Variants in DNAJC17 observed in about 807,000 individuals in gnomAD.
The protein encoded by DNAJC17 is DnaJ heat shock protein family (Hsp40) member C17, also known as dnaJ homolog subfamily C member 17.
DNAJC17 carries 35 observed loss-of-function variants against 48.1 expected under a neutral mutation model. The observed-to-expected ratio is 0.73, with a 90% CI of 0.56 to 0.96. The LOEUF is 0.96. Ranked by LOEUF, DNAJC17 falls within the 50% of genes least tolerant of loss-of-function variation. The pLI, the probability that DNAJC17 is intolerant of heterozygous loss-of-function variation, is 0.00. For missense variants in DNAJC17, 355 were observed against 377.1 expected (o/e 0.94, Z 0.48); for synonymous variants, 117 against 142.7 (o/e 0.82, Z 1.28).
intron 1 of DNAJC17, among the ~76,000 whole-genome samples, chr15:40,803,196 C>T (rs1890118134): frequency 6.6e-6 from 1 of 151,992 alleles, no homozygotes; most frequent in Non-Finnish European, 1.5e-5. Context: ...TTCCTTCACC[C>T]AGTTCCTGGA....
At chr15:40,792,051 C>G (rs1889821326) in intron 1 of DNAJC17, among the ~76,000 whole-genome samples, 1 of 152,192 alleles carries the variant, frequency 6.6e-6, no homozygotes, top group Non-Finnish European at 1.5e-5. Context: ...ACACACATTT[C>G]TCAGATTCAT....
intron 8 of DNAJC17, chr15:40,774,825 G>C (rs1352356978): frequency 1.6e-6 from 1 of 623,174 alleles, no homozygotes; most frequent in African/African-American, 1.8e-5. Flanking sequence ...AAGGACAGCG[G>C]GCTGGAAGGG....
At chr15:40,807,084 C>T in intron 1 of DNAJC17, 3 of 670,952 alleles carry the variant, frequency 4.5e-6, no homozygotes. Context: ...GCAGAGGAGG[C>T]TAGCGTTCCT....
At position 40,766,281 on chromosome 15, in the gene DNAJC17, T is replaced by G. The variant is rs1207767434; in HGVS notation, c.*1659A>C. On this transcript the variant is annotated 3_prime_UTR_variant, in exon 11 of 11. Transcript: ENST00000220496. ...AAGGTTTTTGTCGTGAGGATCTGCA[T>G]GAGTCGCAAAGCTAAGCCCTAGAAG... The G allele has an allele frequency of 6.1e-6, 1 of 164,620 alleles. No individual in the cohort carries two copies. Among genetic ancestry groups the G allele is most frequent in the Non-Finnish European group, 1.3e-5 (1 of 77,178 alleles). The allele number at this position is 164,620 out of a possible 1,614,324, so 10.2% of individuals were successfully genotyped here.
At chr15:40,775,746 A>G in intron 6 of DNAJC17, 150 bp from the exon 7 acceptor site, 1 of 780,052 alleles carries the variant, frequency 1.3e-6, no homozygotes, top group East Asian at 2.5e-5. Context: ...CCTGGTGGGG[A>G]AAGCAGATGC....
Position 40,779,282 on chromosome 15 carries a change from T to C in DNAJC17, c.236A>G (p.Lys79Arg). 1.2e-6 allele frequency: 2 copies of C among 1,614,138 alleles called. No homozygotes were observed. Among genetic ancestry groups the C allele is most frequent in the Non-Finnish European group, 1.7e-6 (2 of 1,180,036 alleles). Reference sequence around the variant, plus strand: ...CTGGGTCCTCTCTGCTGCTTGCTTCTTGGCTTTCCTGACCTTGTCATATGC... The same window carrying C: ...CTGGGTCCTCTCTGCTGCTTGCTTCCTGGCTTTCCTGACCTTGTCATATGC... ...RAAYDKVRKAKKQAAERTQKL... is the reference protein window; with the variant it reads ...RAAYDKVRKARKQAAERTQKL... The change falls in exon 4 of 11, where the codon AAG (lysine) becomes AGG (arginine). Residue 79 changes from lysine (K) to arginine (R), a missense_variant. Coordinates refer to ENST00000220496, the MANE Select transcript of DNAJC17 (RefSeq NM_018163.3).
intron 7 of DNAJC17, 168 bp downstream of exon 7, chr15:40,775,385 A>G: frequency 1.2e-6 from 1 of 833,332 alleles, no homozygotes; most frequent in Non-Finnish European, 1.9e-6. Context: ...CTTTCGTGGC[A>G]AGCTCTGATC....
In DNAJC17 at chr15:40,767,840, T is replaced by A; in HGVS notation, c.*100A>T. 1 of 1,529,454 alleles carries A rather than the reference T, an allele frequency of 6.5e-7. No homozygotes were observed. 94.7% of individuals were successfully genotyped at this position (1,529,454 alleles called of 1,614,324 possible). A position where few individuals can be genotyped will look rare whatever the true frequency, so the allele number is the denominator to read the frequency against. ...GCGCTCTGCGGCAGAGCCCAGCACC[T>A]TATACCTATGTATGGGATAGAGGTA... On this transcript the variant is annotated 3_prime_UTR_variant, in exon 11 of 11. Coordinates refer to ENST00000220496, the MANE Select transcript of DNAJC17 (RefSeq NM_018163.3).
At chr15:40,802,606 A>G (rs1890103140) in intron 1 of DNAJC17, among the ~76,000 whole-genome samples, 1 of 152,148 alleles carries the variant, frequency 6.6e-6, no homozygotes, top group Non-Finnish European at 1.5e-5. Context: ...GCTCATCACT[A>G]CCACTGAACC....
intron 8 of DNAJC17, 94 bp from the exon 9 acceptor site, chr15:40,774,530 G>A: frequency 7.2e-7 from 1 of 1,379,688 alleles, no homozygotes; most frequent in Non-Finnish European, 1.0e-6. Context: ...TGAGGCCCAT[G>A]GGGCATTTTC....
chr15:40,784,595 C>T (rs909922983), intron 1 of DNAJC17, among the ~76,000 whole-genome samples: 1 of 152,088 alleles, frequency 6.6e-6, no homozygotes, highest in Non-Finnish European at 1.5e-5. Flanking sequence ...AAAAGCCATA[C>T]AAACATTACT....
chr15:40,800,770 C>T (rs1266548791), intron 1 of DNAJC17, among the ~76,000 whole-genome samples: 1 of 151,566 alleles, frequency 6.6e-6, no homozygotes, highest in Non-Finnish European at 1.5e-5. Flanking sequence ...ACCAGCCAGG[C>T]CAAGAGAGTG....
At chr15:40,797,724 T>G (rs1889975433) in intron 1 of DNAJC17, among the ~76,000 whole-genome samples, 2 of 137,786 alleles carry the variant, frequency 1.5e-5, no homozygotes, top group Admixed American at 1.4e-4. Flanking sequence ...TCTCTTTTTT[T>G]TTTTTTTTTT....
rs1890263296 is a variant in DNAJC17 at position 40,807,235 on chromosome 15, G to A, written c.78+134C>T. The stretch of plus-strand genomic sequence containing the variant: ...ATGTCTGGGAGCCCGCCTGCGGAGG[G>A]CATAGCGCCGACCCTCGCTCCCCGC... On this transcript the variant is annotated intron_variant, in intron 1 of 10. Transcript: ENST00000220496. 6 of 1,559,928 alleles carry A rather than the reference G, an allele frequency of 3.8e-6. No homozygotes were observed. In the South Asian group the frequency reaches 5.8e-5, roughly 15 times the overall value.
chr15:40,786,560 A>T (rs1480868945), intron 1 of DNAJC17, among the ~76,000 whole-genome samples: 1 of 152,214 alleles, frequency 6.6e-6, no homozygotes, highest in Admixed American at 6.5e-5. Flanking sequence ...GAGCTGAAGC[A>T]GCCACAGCAA....
Position 40,776,308 on chromosome 15 carries a change from T to A in DNAJC17, c.382-16A>T. On this transcript the variant is annotated splice_polypyrimidine_tract_variant and intron_variant, in intron 5 of 10. Transcript: ENST00000220496. ...GGCGTTCGATCTGCAGAGCAGGGGGTGGGGGTGACAATTCTGTGCAGGTCC... is the reference window on the plus strand; with the variant it reads ...GGCGTTCGATCTGCAGAGCAGGGGGAGGGGGTGACAATTCTGTGCAGGTCC... 6.2e-7 allele frequency: 1 copy of A among 1,611,956 alleles called. No individual in the cohort carries two copies. Among genetic ancestry groups the A allele is most frequent in the Non-Finnish European group, 8.5e-7 (1 of 1,178,898 alleles).
chr15:40,772,993 CT>C (rs1438046904), intron 10 of DNAJC17, among the ~76,000 whole-genome samples: 1 of 142,940 alleles, frequency 7.0e-6, no homozygotes, highest in African/African-American at 2.7e-5. Context: ...TGAAGTCTTG[CT>C]CTGTTGCCCA....
chr15:40,791,501 C>G (rs1036103206), intron 1 of DNAJC17, among the ~76,000 whole-genome samples: 2 of 151,582 alleles, frequency 1.3e-5, no homozygotes, highest in African/African-American at 4.9e-5. Flanking sequence ...GCACACCAGC[C>G]AGGGTGACAG....
At chr15:40,773,503 G>A (rs964813361) in intron 10 of DNAJC17, among the ~76,000 whole-genome samples, 1 of 152,226 alleles carries the variant, frequency 6.6e-6, no homozygotes, top group African/African-American at 2.4e-5. Context: ...CAGATATGGA[G>A]AGAAAGCAAG....
Sources: gnomAD v4.1 joint callset for allele counts (sites outside exome capture counted in the v4.1 genomes callset) on GRCh38, gnomAD v4.1.1 for gene constraint, MANE v1.5 for transcripts, NCBI Gene and HGNC (gene_info 2026-07-23, HGNC 2026-07-21) for gene names.